The following TENM2 variants were observed in gnomAD, a reference collection of about 807,000 sequenced individuals.
The protein encoded by TENM2 is teneurin-2.
A neutral mutation model predicts 245.2 loss-of-function variants in TENM2; 52 were observed. That is an observed-to-expected ratio of 0.21 (90% confidence interval 0.17 to 0.27). TENM2 has a LOEUF of 0.27. Among genes scored for constraint, TENM2 ranks in the 10% least tolerant of loss-of-function variants. TENM2 has a pLI of 1.00. For missense variants in TENM2, 3,046 were observed against 3,666.8 expected, an observed-to-expected ratio of 0.83 and a Z score of 4.37; for synonymous variants, 1,363 against 1,438.9, an observed-to-expected ratio of 0.95 and a Z score of 1.19.
chr5:167,255,747 AAAT>A, the TENM2 span, among the ~76,000 whole-genome samples: 1 of 152,184 alleles, frequency 6.6e-6, no homozygotes, highest in Non-Finnish European at 1.5e-5. Context: ...CTCAAATAGA[AAAT>A]AAAGAATATG....
chr5:167,868,300 G>C (rs748360097), intron 2 of TENM2, among the ~76,000 whole-genome samples: 4 of 152,158 alleles, frequency 2.6e-5, no homozygotes, highest in Non-Finnish European at 5.9e-5. Flanking sequence ...GACTGAGCTA[G>C]TCTGACATTA....
chr5:167,750,452 A>G (rs1048503098), intron 2 of TENM2, among the ~76,000 whole-genome samples: 4 of 151,676 alleles, frequency 2.6e-5, no homozygotes, highest in Non-Finnish European at 5.9e-5. Context: ...TGACCTGCGC[A>G]TTTTCTGGAG....
intron 2 of TENM2, among the ~76,000 whole-genome samples, chr5:167,721,566 A>C (rs1034943656): frequency 2.0e-5 from 3 of 152,140 alleles, no homozygotes; most frequent in Non-Finnish European, 2.9e-5. Context: ...TTCATCTTCA[A>C]AGCCAGAAGT....
At chr5:167,733,151 G>A (rs1280827226) in intron 2 of TENM2, among the ~76,000 whole-genome samples, 1 of 152,172 alleles carries the variant, frequency 6.6e-6, no homozygotes, top group Non-Finnish European at 1.5e-5. Context: ...CCAGGCAGTG[G>A]CGGAGTTGAT....
chr5:167,756,205 T>A (rs1762300928), intron 2 of TENM2, among the ~76,000 whole-genome samples: 1 of 152,154 alleles, frequency 6.6e-6, no homozygotes, highest in Admixed American at 6.6e-5. Flanking sequence ...CCTAAGTTGC[T>A]GTTTCCATGT....
intron 2 of TENM2, among the ~76,000 whole-genome samples, chr5:167,631,973 C>G (rs975397026): frequency 5.3e-5 from 8 of 152,094 alleles, no homozygotes; most frequent in African/African-American, 1.9e-4. Flanking sequence ...TCTCTCAGCC[C>G]CTGCCATGAT....
In TENM2 at chr5:167,910,095, A is replaced by G. The variant is rs910126014; in HGVS notation, c.712+33900A>G. On this transcript the variant is annotated intron_variant, in intron 3 of 28. Coordinates refer to ENST00000518659, the Ensembl canonical transcript of TENM2. ...TGGATGTGTAATTTATCTATCTACA[A>G]TGCAACACAATGAAAATGTTCTCTC... 6.6e-5 allele frequency among the ~76,000 whole-genome samples: 10 copies of G among 152,264 alleles called. No individual in the cohort carries two copies. In the East Asian group the frequency reaches 1.4e-3, roughly 21 times the overall value.
chr5:167,567,774 A>T (rs1202710793), intron 2 of TENM2, among the ~76,000 whole-genome samples: 1 of 152,174 alleles, frequency 6.6e-6, no homozygotes. Context: ...CAAATAAATT[A>T]TGCACTTTTA....
intron 9 of TENM2, among the ~76,000 whole-genome samples, chr5:168,105,627 C>T (rs1581319732): frequency 6.6e-6 from 1 of 152,180 alleles, no homozygotes; most frequent in East Asian, 1.9e-4. Context: ...AAAATTCCAC[C>T]AAGAAGACTG....
At chr5:167,786,628 C>T (rs939104586) in intron 2 of TENM2, among the ~76,000 whole-genome samples, 2 of 152,222 alleles carry the variant, frequency 1.3e-5, no homozygotes, top group South Asian at 4.1e-4. Context: ...GGAAACTCCC[C>T]ACTGAACCTC....
chr5:167,709,958 A>C (rs1035422227), intron 2 of TENM2, among the ~76,000 whole-genome samples: 5 of 152,188 alleles, frequency 3.3e-5, no homozygotes, highest in African/African-American at 1.2e-4. Context: ...TTTTGGAGTA[A>C]AAATGAGGCT....
intron 2 of TENM2, among the ~76,000 whole-genome samples, chr5:167,756,642 G>A (rs1313287955): frequency 6.6e-6 from 1 of 152,126 alleles, no homozygotes; most frequent in Admixed American, 6.6e-5. Flanking sequence ...CCAGAAGCTA[G>A]GGAGGACAGA....
intron 7 of TENM2, among the ~76,000 whole-genome samples, chr5:168,070,961 GAAGGGAAAGGGA>G (rs200422240): frequency 6.6e-6 from 1 of 150,688 alleles, no homozygotes; most frequent in Non-Finnish European, 1.5e-5. Context: ...GAAAGGAAAG[GAAGGGAAAGGGA>G]AAGGGAAAGG....
At chr5:167,371,711 T>C (rs1284584954) in intron 1 of TENM2, among the ~76,000 whole-genome samples, 1 of 152,160 alleles carries the variant, frequency 6.6e-6, no homozygotes, top group African/African-American at 2.4e-5. Context: ...ACTTTGTTTA[T>C]GTGATTCTTT....
chr5:167,071,878 G>GCCCCCCCCCCCCCCCCCCCCACCCCC, the TENM2 span, among the ~76,000 whole-genome samples: 1 of 124,026 alleles, frequency 8.1e-6, no homozygotes. Flanking sequence ...TTGACAAATC[G>GCCCCCCCCCCCCCCCCCCCCACCCCC]CCCCCCCCCG....
At chr5:168,149,093 C>T (rs868225085) in intron 12 of TENM2, among the ~76,000 whole-genome samples, 15 of 151,990 alleles carry the variant, frequency 9.9e-5, no homozygotes, top group African/African-American at 2.7e-4. Flanking sequence ...TGAAGCTGGC[C>T]GGATGAATGC....
chr5:167,671,283 A>T (rs974191327), intron 2 of TENM2, among the ~76,000 whole-genome samples: 2 of 152,160 alleles, frequency 1.3e-5, no homozygotes, highest in African/African-American at 4.8e-5. Context: ...AGCATTTGAG[A>T]GTCCCATCAG....
chr5:167,465,634 CCTGA>C (rs1766596969), intron 2 of TENM2, among the ~76,000 whole-genome samples: 1 of 152,170 alleles, frequency 6.6e-6, no homozygotes, highest in African/African-American at 2.4e-5. Flanking sequence ...TCGAGACCAT[CCTGA>C]CTAACACGGT....
At chr5:168,181,923 T>C (rs940487112) in intron 13 of TENM2, among the ~76,000 whole-genome samples, 3 of 151,884 alleles carry the variant, frequency 2.0e-5, no homozygotes, top group African/African-American at 7.2e-5. Flanking sequence ...GTGATCCACC[T>C]GCCTCAGCCG....
Sources: gnomAD v4.1 joint callset for allele counts (sites outside exome capture counted in the v4.1 genomes callset) on GRCh38, gnomAD v4.1.1 for gene constraint, MANE v1.5 for transcripts, NCBI Gene and HGNC (gene_info 2026-07-23, HGNC 2026-07-21) for gene names.